Variants in RELN observed in about 807,000 individuals in gnomAD.
RELN encodes reelin.
Under a neutral mutation model 427.6 loss-of-function variants are expected in RELN, and 108 were observed. The observed-to-expected ratio is 0.25, with a 90% CI of 0.22 to 0.30. The LOEUF is 0.30. Ranked by LOEUF, RELN falls within the 10% of genes least tolerant of loss-of-function variation. The pLI is 1.00. For synonymous variants in RELN, 1,524 were observed against 1,513.4 expected (o/e 1.01, Z -0.16); for missense variants, 3,715 against 4,302.8 (o/e 0.86, Z 3.82).
intron 2 of RELN, among the ~76,000 whole-genome samples, chr7:103,895,858 A>G (rs899651678): frequency 6.6e-6 from 1 of 152,162 alleles, no homozygotes; most frequent in African/African-American, 2.4e-5. Context: ...AGAATTTATC[A>G]AAATAAACTA....
At chr7:103,599,892 A>G (rs956960643) in intron 24 of RELN, among the ~76,000 whole-genome samples, 1 of 152,018 alleles carries the variant, frequency 6.6e-6, no homozygotes, top group African/African-American at 2.4e-5. Context: ...TTATGTATGT[A>G]TGCATGTATT....
At chr7:103,559,681 C>T (rs1830600093) in intron 36 of RELN, among the ~76,000 whole-genome samples, 1 of 152,100 alleles carries the variant, frequency 6.6e-6, no homozygotes, top group Non-Finnish European at 1.5e-5. Context: ...CTCAAATGAT[C>T]CTCCCACCTC....
chr7:103,809,537 T>C (rs1436535733), intron 3 of RELN, among the ~76,000 whole-genome samples: 2 of 152,110 alleles, frequency 1.3e-5, no homozygotes, highest in Admixed American at 6.5e-5. Flanking sequence ...AGAAGATTTA[T>C]ACAATTAGGG....
chr7:103,761,633 G>A (rs1037321818), intron 4 of RELN, among the ~76,000 whole-genome samples: 3 of 151,444 alleles, frequency 2.0e-5, no homozygotes, highest in Non-Finnish European at 2.9e-5. Flanking sequence ...TTTTTTGGGG[G>A]GGGGTAGAGA....
chr7:103,981,425 A>G (rs11984351), intron 1 of RELN, among the ~76,000 whole-genome samples: 64,997 of 152,034 alleles, frequency 0.43, 14,019 homozygotes, highest in Non-Finnish European at 0.46. Flanking sequence ...TATTTTGAAA[A>G]TATATTGTCA....
intron 1 of RELN, among the ~76,000 whole-genome samples, chr7:103,982,448 T>A (rs1255388036): frequency 5.3e-5 from 8 of 152,032 alleles, no homozygotes; most frequent in Non-Finnish European, 2.9e-5. Flanking sequence ...TTCATATTAC[T>A]ATCAGTAAGA....
At chr7:103,669,214 T>C (rs543252657) in intron 11 of RELN, among the ~76,000 whole-genome samples, 104 of 152,306 alleles carry the variant, frequency 6.8e-4, no homozygotes, top group African/African-American at 2.4e-3. Flanking sequence ...GAAATCCAAA[T>C]ATTTATAATC....
At chr7:103,621,148 A>C (rs562574551) in intron 20 of RELN, among the ~76,000 whole-genome samples, 1 of 152,286 alleles carries the variant, frequency 6.6e-6, no homozygotes, top group South Asian at 2.1e-4. Context: ...TCTCATGTTA[A>C]ATATAAGTAT....
intron 1 of RELN, among the ~76,000 whole-genome samples, chr7:103,943,103 T>C (rs965010818): frequency 3.3e-5 from 5 of 152,326 alleles, no homozygotes; most frequent in African/African-American, 1.2e-4. Flanking sequence ...ATGACTTTCT[T>C]CTAAATTGAA....
chr7:103,968,438 C>G lies in RELN; in HGVS notation c.226+20693G>C, dbSNP rs1796699198. Among the ~76,000 whole-genome samples, 1 of 152,008 alleles carries G rather than the reference C, an allele frequency of 6.6e-6. No individual in the cohort carries two copies. Among genetic ancestry groups the G allele is most frequent in the Non-Finnish European group, 1.5e-5 (1 of 68,008 alleles). ...GGTTTGACATCAGGTCTGCAGGCACCATGCGTTGCTACTGAGGACTAACTG... is the reference window on the plus strand; with the variant it reads ...GGTTTGACATCAGGTCTGCAGGCACGATGCGTTGCTACTGAGGACTAACTG... On this transcript the variant is annotated intron_variant, in intron 1 of 64. Coordinates refer to ENST00000428762, the MANE Select transcript of RELN (RefSeq NM_005045.4). This position sits in a 1 kb window ranked among gnomAD's most constrained non-coding sequence, Gnocchi z 4.3.
intron 51 of RELN, among the ~76,000 whole-genome samples, chr7:103,508,712 T>C (rs909613163): frequency 6.6e-6 from 1 of 152,200 alleles, no homozygotes; most frequent in African/African-American, 2.4e-5. Context: ...GGAAGTCAAA[T>C]TGTCTCTGTT....
intron 6 of RELN, among the ~76,000 whole-genome samples, chr7:103,731,904 A>C (rs1262930830): frequency 6.6e-6 from 1 of 152,138 alleles, no homozygotes; most frequent in Non-Finnish European, 1.5e-5. Context: ...GTAATATAAA[A>C]ATTATTAATT....
chr7:103,864,787 A>G (rs35250471), intron 2 of RELN, among the ~76,000 whole-genome samples: 21,829 of 152,042 alleles, frequency 0.14, 1,855 homozygotes, highest in East Asian at 0.34. Context: ...AAAAATAAGT[A>G]AAATGGACAA....
intron 16 of RELN, among the ~76,000 whole-genome samples, chr7:103,647,267 T>C (rs1401242330): frequency 6.6e-6 from 1 of 151,964 alleles, no homozygotes; most frequent in Non-Finnish European, 1.5e-5. Flanking sequence ...TAAAGTCAAA[T>C]TATCTCCGTT....
chr7:103,816,530 AACACACACAC>A (rs57873981), intron 3 of RELN, among the ~76,000 whole-genome samples: 165 of 143,738 alleles, frequency 1.1e-3, no homozygotes, highest in African/African-American at 4.1e-3. Flanking sequence ...TTTCTCTAGA[AACACACACAC>A]ACACACACAC....
At chr7:103,650,441 A>G in intron 15 of RELN, 58 bp from the exon 16 acceptor site, 1 of 1,068,618 alleles carries the variant, frequency 9.4e-7, no homozygotes, top group Non-Finnish European at 1.5e-6. Context: ...TTTAGAATCT[A>G]TTTTACATGG....
intron 46 of RELN, among the ~76,000 whole-genome samples, chr7:103,534,028 G>C (rs776226487): frequency 1.3e-5 from 2 of 152,032 alleles, no homozygotes; most frequent in Non-Finnish European, 2.9e-5. Context: ...ATATAGTCTC[G>C]TACCTCTGAG....
intron 49 of RELN, among the ~76,000 whole-genome samples, chr7:103,518,862 G>A (rs2117084689): frequency 6.6e-6 from 1 of 151,974 alleles, no homozygotes; most frequent in South Asian, 2.1e-4. Flanking sequence ...CCCATACGTT[G>A]TGTTTATTCA....
chr7:103,923,415 T>A (rs10238716), intron 1 of RELN, among the ~76,000 whole-genome samples: 1 of 152,074 alleles, frequency 6.6e-6, no homozygotes, highest in Non-Finnish European at 1.5e-5. Context: ...ATTTCAAAAA[T>A]TAAGTCAGGT....
Sources: allele counts gnomAD v4.1 joint callset (sites outside exome capture counted in the v4.1 genomes callset), GRCh38; gene constraint gnomAD v4.1.1; non-coding constraint Gnocchi (gnomAD v3.1); transcripts MANE v1.5; gene names NCBI Gene and HGNC (gene_info 2026-07-23, HGNC 2026-07-21).